The following CCDC171 variants were observed in gnomAD, a reference collection of about 807,000 sequenced individuals.
The protein encoded by CCDC171 is coiled-coil domain-containing protein 171.
CCDC171 carries 177 observed loss-of-function variants against 168.2 expected under a neutral mutation model. The observed-to-expected ratio is 1.05, with a 90% CI of 0.93 to 1.19. The LOEUF is 1.19. CCDC171 is among the 50% of genes most tolerant of loss of function. The pLI, the probability that CCDC171 is intolerant of heterozygous loss-of-function variation, is 0.00. For synonymous variants in CCDC171, 687 were observed against 540.8 expected, an observed-to-expected ratio of 1.27 and a Z score of -3.75; for missense variants, 1,991 against 1,539.0, an observed-to-expected ratio of 1.29 and a Z score of -4.91.
chr9:15,753,642 A>C (rs763756690), intron 18 of CCDC171, among the ~76,000 whole-genome samples: 2 of 152,218 alleles, frequency 1.3e-5, no homozygotes, highest in African/African-American at 2.4e-5. Context: ...GTGTCTTTAC[A>C]TGCTTGCCTA....
intron 1 of CCDC171, among the ~76,000 whole-genome samples, chr9:16,056,969 G>A (rs1270020619): frequency 6.6e-6 from 1 of 152,142 alleles, no homozygotes; most frequent in Non-Finnish European, 1.5e-5. Flanking sequence ...CAGAAGTATT[G>A]GAGTTTTTAT....
At chr9:15,565,952 G>C (rs1292482895) in intron 2 of CCDC171, among the ~76,000 whole-genome samples, 1 of 152,150 alleles carries the variant, frequency 6.6e-6, no homozygotes, top group Non-Finnish European at 1.5e-5. Flanking sequence ...TGAAGTGGCT[G>C]GGTCATTTTA....
chr9:15,564,680 C>T (rs1563947511), intron 2 of CCDC171, among the ~76,000 whole-genome samples: 1 of 152,204 alleles, frequency 6.6e-6, no homozygotes, highest in Admixed American at 6.5e-5. Context: ...AGTTCATTCA[C>T]CTTTGGTGGG....
intron 19 of CCDC171, among the ~76,000 whole-genome samples, 181 bp downstream of exon 19, chr9:15,778,007 A>G (rs571796442): frequency 2.0e-5 from 3 of 152,322 alleles, no homozygotes; most frequent in East Asian, 1.9e-4. Context: ...TCTAAATACA[A>G]AAATCACTGG....
chr9:15,944,805 G>C (rs1028038538), intron 25 of CCDC171, among the ~76,000 whole-genome samples: 4 of 146,348 alleles, frequency 2.7e-5, no homozygotes, highest in African/African-American at 7.6e-5. Flanking sequence ...GGCAGAGCAT[G>C]GTAGTTGGGT....
At chr9:15,954,495 T>A (rs1829568872) in intron 25 of CCDC171, among the ~76,000 whole-genome samples, 1 of 152,152 alleles carries the variant, frequency 6.6e-6, no homozygotes, top group South Asian at 2.1e-4. Context: ...ACAGTTTTAC[T>A]TCTGTTATTG....
intron 7 of CCDC171, among the ~76,000 whole-genome samples, chr9:15,645,121 C>T (rs1335690379): frequency 6.6e-6 from 1 of 152,212 alleles, no homozygotes; most frequent in Non-Finnish European, 1.5e-5. Flanking sequence ...TGCTGATATC[C>T]AGGCACACAG....
intron 21 of CCDC171, among the ~76,000 whole-genome samples, chr9:15,832,465 C>T (rs920961612): frequency 6.6e-6 from 1 of 152,166 alleles, no homozygotes; most frequent in Admixed American, 6.5e-5. Flanking sequence ...ATGGTAAAGC[C>T]TGTTGCTTCT....
rs1300002966 is a variant in CCDC171, at chr9:16,013,040, C to A, written n.369-7549C>A. On this transcript the variant is annotated intron_variant and non_coding_transcript_variant, in intron 3 of 9. Transcript: ENST00000486641. ...TCACACAGTCTGGGGAACACCTTCA[C>A]CCATCAGATCTGTCAGCCTTTCCCA... Among the ~76,000 whole-genome samples the A allele has an allele frequency of 2.0e-5, 3 of 152,330 alleles. No homozygotes were observed. The South Asian group carries it at 6.2e-4, about 32-fold the overall frequency.
In CCDC171 at chr9:15,800,685, C is replaced by G. The variant is rs79116135; in HGVS notation, c.3267+15991C>G. ...TGCGATATTTCTTAAGAATTTTTTG[C>G]CCAAACCAATTTCCTAGAGAGTTTC... On this transcript the variant is annotated intron_variant, in intron 21 of 25. Transcript: ENST00000380701. Among the ~76,000 whole-genome samples, 246 of 152,016 alleles carry G rather than the reference C, an allele frequency of 1.6e-3. 1 individual carries two copies. The highest frequency in any genetic ancestry group is 3.3e-3 in the Admixed American group (50 of 15,246).
intron 12 of CCDC171, among the ~76,000 whole-genome samples, chr9:15,722,305 G>A (rs572609277): frequency 2.0e-5 from 3 of 152,324 alleles, no homozygotes; most frequent in Admixed American, 1.3e-4. Context: ...ATAAAAAAGA[G>A]AGAAATTAGT....
At chr9:15,910,551 T>C (rs1823472667) in intron 24 of CCDC171, among the ~76,000 whole-genome samples, 1 of 152,138 alleles carries the variant, frequency 6.6e-6, no homozygotes, top group African/African-American at 2.4e-5. Flanking sequence ...CTATTAGGGC[T>C]CTTTTTTTAA....
At chr9:15,969,680 T>C (rs1831154697) in intron 25 of CCDC171, among the ~76,000 whole-genome samples, 1 of 152,216 alleles carries the variant, frequency 6.6e-6, no homozygotes, top group South Asian at 2.1e-4. Flanking sequence ...ATACTGTGGC[T>C]ATAACTATGT....
chr9:15,948,299 T>C (rs1207296672), intron 25 of CCDC171, among the ~76,000 whole-genome samples: 1 of 145,848 alleles, frequency 6.9e-6, no homozygotes, highest in East Asian at 2.2e-4. Flanking sequence ...TGTGCATGTG[T>C]CTTTATAGCA....
At chr9:15,624,310 AAATT>A (rs35307658) in intron 7 of CCDC171, among the ~76,000 whole-genome samples, 1,944 of 152,034 alleles carry the variant, frequency 0.013, 24 homozygotes, top group South Asian at 0.057. Context: ...CAATTTTTTA[AAATT>A]AATTAATTTT....
In CCDC171 at chr9:15,848,867, AACACTTAATCTTTT is replaced by A. The variant is rs747040116; in HGVS notation, c.3414-24_3414-11del. 1.8e-5 allele frequency: 25 copies of A among 1,424,078 alleles called. No individual in the cohort carries two copies. The highest frequency in any genetic ancestry group is 2.9e-5 in the African/African-American group (2 of 69,730). 88.2% of individuals were successfully genotyped at this position (1,424,078 alleles called of 1,614,324 possible). A position where few individuals can be genotyped will look rare whatever the true frequency, so the allele number is the denominator to read the frequency against. On this transcript the variant is annotated splice_polypyrimidine_tract_variant and intron_variant, in intron 22 of 25. Transcript: ENST00000380701. ...GTTGTAGTAAGGTTTGAGTTTTACT[AACACTTAATCTTTT>A]ATTTTTTCTAGAGACAAAGAATGTG...
intron 6 of CCDC171, among the ~76,000 whole-genome samples, chr9:15,599,653 C>G (rs2042673407): frequency 6.6e-6 from 1 of 152,078 alleles, no homozygotes; most frequent in Admixed American, 6.6e-5. Context: ...CGAGGAGTAT[C>G]TTTGTGGCAT....
At chr9:15,646,496 T>G (rs2047049307) in intron 7 of CCDC171, among the ~76,000 whole-genome samples, 2 of 152,162 alleles carry the variant, frequency 1.3e-5, no homozygotes, top group South Asian at 2.1e-4. Flanking sequence ...TGTGCTGTAT[T>G]CAGGAGACCC....
intron 7 of CCDC171, among the ~76,000 whole-genome samples, chr9:15,635,155 T>C (rs2046104934): frequency 6.6e-6 from 1 of 152,148 alleles, no homozygotes; most frequent in African/African-American, 2.4e-5. Context: ...CTATCACAAG[T>C]TGAAGTTCCA....
Sources: gnomAD v4.1 joint callset for allele counts (sites outside exome capture counted in the v4.1 genomes callset) on GRCh38, gnomAD v4.1.1 for gene constraint, MANE v1.5 for transcripts, NCBI Gene and HGNC (gene_info 2026-07-23, HGNC 2026-07-21) for gene names.